Variants in ANKS1B observed in about 807,000 individuals in gnomAD.
ANKS1B encodes ankyrin repeat and sterile alpha motif domain containing 1B.
A neutral mutation model predicts 148.3 loss-of-function variants in ANKS1B; 36 were observed. The ratio of observed to expected loss-of-function variants is 0.24; its 90% confidence interval spans 0.19 to 0.32. The LOEUF (loss-of-function observed/expected upper bound fraction) is 0.32, where lower values mean the gene tolerates loss of function less well. Among genes scored for constraint, ANKS1B ranks in the 10% least tolerant of loss-of-function variants. The pLI is 1.00. For synonymous variants in ANKS1B, 542 were observed against 560.8 expected, an observed-to-expected ratio of 0.97 and a Z score of 0.47; for missense variants, 1,157 against 1,542.6, an observed-to-expected ratio of 0.75 and a Z score of 4.19.
intron 4 of ANKS1B, among the ~76,000 whole-genome samples, chr12:99,784,864 C>A (rs2064830812): frequency 6.6e-6 from 1 of 152,110 alleles, no homozygotes; most frequent in Non-Finnish European, 1.5e-5. Context: ...CCTGGATGTT[C>A]CACATCAATC....
At position 99,664,480 on chromosome 12, in the gene ANKS1B, T is replaced by C. The variant is rs539114853; in HGVS notation, c.1129-9270A>G. Among the ~76,000 whole-genome samples the C allele has an allele frequency of 6.6e-5, 10 of 152,182 alleles. No homozygotes were observed. In the South Asian group the frequency reaches 2.1e-3, roughly 32 times the overall value. Reference sequence around the variant, plus strand: ...ACCTAAGAGTAAAAAGGTAGATGTATGTAGAATCCTCCACAGTCAGCGTAC... The same window carrying C: ...ACCTAAGAGTAAAAAGGTAGATGTACGTAGAATCCTCCACAGTCAGCGTAC... On this transcript the variant is annotated intron_variant, in intron 8 of 26. Coordinates refer to ENST00000683438, the MANE Select transcript of ANKS1B (RefSeq NM_001352186.2).
intron 12 of ANKS1B, among the ~76,000 whole-genome samples, chr12:99,360,861 AAAAC>A (rs2092408664): frequency 6.6e-6 from 1 of 152,136 alleles, no homozygotes; most frequent in African/African-American, 2.4e-5. Context: ...CAGGCACATA[AAAAC>A]AAACACACAT....
chr12:98,904,659 A>C (rs2099776529), intron 17 of ANKS1B, among the ~76,000 whole-genome samples: 1 of 152,228 alleles, frequency 6.6e-6, no homozygotes, highest in Non-Finnish European at 1.5e-5. Context: ...CAGAGAACTC[A>C]GCACGAAGAT....
intron 17 of ANKS1B, among the ~76,000 whole-genome samples, chr12:98,997,270 T>C (rs1351954886): frequency 6.6e-6 from 1 of 152,170 alleles, no homozygotes; most frequent in Non-Finnish European, 1.5e-5. Context: ...TAGAAGGCAG[T>C]AGGAACATAG....
chr12:99,934,923 T>A (rs1416423833), intron 1 of ANKS1B, among the ~76,000 whole-genome samples: 6 of 152,152 alleles, frequency 3.9e-5, no homozygotes, highest in African/African-American at 1.2e-4. Flanking sequence ...AAAAGAATGA[T>A]TGCCTTTGGG....
chr12:99,066,425 C>G (rs1375535181), intron 16 of ANKS1B, among the ~76,000 whole-genome samples: 1 of 152,064 alleles, frequency 6.6e-6, no homozygotes, highest in Non-Finnish European at 1.5e-5. Flanking sequence ...GAAGGAGGGT[C>G]CAGCATATGT....
chr12:99,506,286 C>T (rs1444333967), intron 9 of ANKS1B, among the ~76,000 whole-genome samples: 2 of 152,000 alleles, frequency 1.3e-5, no homozygotes, highest in East Asian at 3.9e-4. Context: ...TAAGTATATT[C>T]TAGGGCTGAT....
intron 12 of ANKS1B, among the ~76,000 whole-genome samples, chr12:99,283,166 G>A (rs964986133): frequency 6.6e-6 from 1 of 152,024 alleles, no homozygotes; most frequent in Non-Finnish European, 1.5e-5. Context: ...CTAGGTCAGA[G>A]GATTTCCAAA....
chr12:99,761,764 T>C (rs2062141234), intron 8 of ANKS1B, among the ~76,000 whole-genome samples: 1 of 152,072 alleles, frequency 6.6e-6, no homozygotes, highest in African/African-American at 2.4e-5. Flanking sequence ...ACTATCTGTC[T>C]TCACTAATGA....
chr12:99,795,963 C>A (rs915232000), intron 4 of ANKS1B, among the ~76,000 whole-genome samples: 1 of 152,024 alleles, frequency 6.6e-6, no homozygotes, highest in African/African-American at 2.4e-5. Flanking sequence ...ATCTTAGCAA[C>A]CTCTGTGTAC....
chr12:99,849,636 T>G (rs1224052762), intron 1 of ANKS1B, among the ~76,000 whole-genome samples: 1 of 152,092 alleles, frequency 6.6e-6, no homozygotes, highest in Non-Finnish European at 1.5e-5. Context: ...TGTAGTACAT[T>G]CACAAAGAAT....
At chr12:99,036,830 A>C (rs2099955853) in intron 17 of ANKS1B, among the ~76,000 whole-genome samples, 1 of 152,238 alleles carries the variant, frequency 6.6e-6, no homozygotes, top group Non-Finnish European at 1.5e-5. Flanking sequence ...TTACATGCCA[A>C]GGAACTCAAC....
rs565072054 is a variant in ANKS1B, at chr12:98,922,090, A to G, written c.2779-89954T>C. ...ATTCAGAGTTACTCTGCAATTGCTG[A>G]GTGCTAGTGTATCTATCCTCAAGTG... On this transcript the variant is annotated intron_variant, in intron 17 of 26. Transcript: ENST00000683438. 6.3e-4 allele frequency among the ~76,000 whole-genome samples: 96 copies of G among 152,336 alleles called. 1 individual carries two copies. Among genetic ancestry groups the G allele is most frequent in the Middle Eastern group, 6.8e-3 (2 of 294 alleles).
intron 17 of ANKS1B, among the ~76,000 whole-genome samples, chr12:98,915,824 A>T (rs1423893234): frequency 6.6e-6 from 1 of 152,254 alleles, no homozygotes; most frequent in Non-Finnish European, 1.5e-5. Context: ...TTAACTTGCC[A>T]GAAACACACC....
intron 9 of ANKS1B, among the ~76,000 whole-genome samples, chr12:99,529,023 G>A (rs1291276579): frequency 6.6e-6 from 1 of 152,162 alleles, no homozygotes; most frequent in African/African-American, 2.4e-5. Flanking sequence ...AAATACAAAT[G>A]AGCTTTGATT....
rs191502398 is a variant in ANKS1B at position 99,240,772 on chromosome 12, C to T, written c.2419+3570G>A. Among the ~76,000 whole-genome samples, 201 of 152,302 alleles carry T rather than the reference C, an allele frequency of 1.3e-3. 1 individual carries two copies. The highest frequency in any genetic ancestry group is 4.5e-3 in the African/African-American group (188 of 41,562). On this transcript the variant is annotated intron_variant, in intron 14 of 26. Coordinates refer to ENST00000683438, the MANE Select transcript of ANKS1B (RefSeq NM_001352186.2). The stretch of plus-strand genomic sequence containing the variant: ...TCAAAACTGCTCAACTACGTGGAAA[C>T]TGAACAACCTGCTCCTGAGTGACTA...
In ANKS1B at chr12:99,595,849, T is replaced by A. The variant is rs2097754224; in HGVS notation, c.1272+59218A>T. ...TCCTTCAATTCAACCACTACATTATTCCTGGGGAATTTTCTCACCAACTTT... is the reference window on the plus strand; with the variant it reads ...TCCTTCAATTCAACCACTACATTATACCTGGGGAATTTTCTCACCAACTTT... On this transcript the variant is annotated intron_variant, in intron 9 of 26. Transcript: ENST00000683438. 2.0e-5 allele frequency among the ~76,000 whole-genome samples: 3 copies of A among 152,042 alleles called. No homozygotes were observed. In the South Asian group the frequency reaches 6.2e-4, roughly 31 times the overall value.
intron 22 of ANKS1B, among the ~76,000 whole-genome samples, chr12:98,796,058 T>C (rs980496306): frequency 2.1e-4 from 32 of 152,222 alleles, no homozygotes; most frequent in Admixed American, 4.6e-4. Flanking sequence ...CTTAGGCTGA[T>C]GGCAACTTGA....
At chr12:98,764,519 C>T (rs1256492163) in intron 25 of ANKS1B, among the ~76,000 whole-genome samples, 4 of 152,052 alleles carry the variant, frequency 2.6e-5, no homozygotes, top group African/African-American at 7.2e-5. Context: ...TGAGCCACCG[C>T]GCCTGGCTTC....
Sources: allele counts gnomAD v4.1 joint callset (sites outside exome capture counted in the v4.1 genomes callset), GRCh38; gene constraint gnomAD v4.1.1; transcripts MANE v1.5; gene names NCBI Gene and HGNC (gene_info 2026-07-23, HGNC 2026-07-21).